The following STXBP6 variants were observed in gnomAD, a reference collection of about 807,000 sequenced individuals.
The protein encoded by STXBP6 is syntaxin-binding protein 6.
Under a neutral mutation model 26.9 loss-of-function variants are expected in STXBP6, and 21 were observed. That is an observed-to-expected ratio of 0.78 (90% CI 0.55 to 1.12). The LOEUF (loss-of-function observed/expected upper bound fraction) is 1.12, where lower values mean the gene tolerates loss of function less well. Among genes scored for constraint, STXBP6 ranks in the 50% most tolerant of loss-of-function variants. The pLI, the probability that STXBP6 is intolerant of heterozygous loss-of-function variation, is 0.00. For missense variants in STXBP6, 232 were observed against 257.9 expected (o/e 0.90, Z 0.69); for synonymous variants, 97 against 92.6 (o/e 1.05, Z -0.27).
chr14:24,853,586 A>G, intron 4 of STXBP6, among the ~76,000 whole-genome samples: 1 of 152,236 alleles, frequency 6.6e-6, no homozygotes, highest in South Asian at 2.1e-4. Context: ...ACTGAAAGAG[A>G]TTTTATATAG....
intron 4 of STXBP6, among the ~76,000 whole-genome samples, chr14:24,831,840 T>C (rs2068463572): frequency 6.6e-6 from 1 of 152,050 alleles, no homozygotes; most frequent in Non-Finnish European, 1.5e-5. Flanking sequence ...CCCCCATTGT[T>C]TGAGATTGGA....
At chr14:24,887,819 A>G (rs1426245026) in intron 2 of STXBP6, among the ~76,000 whole-genome samples, 15 of 152,228 alleles carry the variant, frequency 9.9e-5, no homozygotes. Flanking sequence ...AAGTATCGTC[A>G]AGTCAGCGTA....
chr14:24,859,158 C>T (rs2139204241), intron 2 of STXBP6, among the ~76,000 whole-genome samples: 1 of 152,186 alleles, frequency 6.6e-6, no homozygotes, highest in Admixed American at 6.5e-5. Context: ...TGCAGGAACC[C>T]CAACTATTAT....
chr14:24,969,115 T>C (rs1429521187), intron 2 of STXBP6, among the ~76,000 whole-genome samples: 4 of 152,222 alleles, frequency 2.6e-5, no homozygotes, highest in Non-Finnish European at 1.5e-5. Flanking sequence ...TCTATTTACA[T>C]AAATTATTTC....
rs145546657 is a variant in STXBP6, at chr14:24,860,930, C to T, written c.155-3773G>A. Among the ~76,000 whole-genome samples, 859 of 146,710 alleles carry T rather than the reference C, an allele frequency of 5.9e-3. 4 individuals carry two copies. Among genetic ancestry groups the T allele is most frequent in the African/African-American group, 0.018 (739 of 40,940 alleles). ...GTATATACCACCTCTACATCCTCAA[C>T]TATCTCATATTTGAGATAGCTGAAT... On this transcript the variant is annotated intron_variant, in intron 2 of 5. Transcript: ENST00000323944.
chr14:24,996,713 G>C (rs1165906932), intron 1 of STXBP6, among the ~76,000 whole-genome samples: 1 of 151,532 alleles, frequency 6.6e-6, no homozygotes, highest in Non-Finnish European at 1.5e-5. Context: ...AAATTAGCCA[G>C]GCATGGTGGC....
At chr14:24,884,141 A>G (rs1016578380) in intron 2 of STXBP6, among the ~76,000 whole-genome samples, 1 of 152,240 alleles carries the variant, frequency 6.6e-6, no homozygotes, top group Non-Finnish European at 1.5e-5. Context: ...AGGCTTCCAC[A>G]AATTATTAAG....
intron 2 of STXBP6, among the ~76,000 whole-genome samples, chr14:24,947,217 A>G (rs1277188833): frequency 4.0e-5 from 3 of 74,790 alleles, no homozygotes; most frequent in Non-Finnish European, 8.6e-5. Flanking sequence ...TGTGAAGGGA[A>G]AGCAAAATAA....
intron 2 of STXBP6, among the ~76,000 whole-genome samples, chr14:24,896,575 G>GC (rs1005625735): frequency 1.3e-5 from 2 of 152,130 alleles, no homozygotes; most frequent in African/African-American, 4.8e-5. Flanking sequence ...TACTTTAAGG[G>GC]CTCATAATTT....
Position 24,877,611 on chromosome 14 carries a change from C to T in STXBP6, c.155-20454G>A, listed in dbSNP as rs577677604. ...AATCTAAATTCACAGCAAACTTCTT[C>T]CTACTTTGTATAGCTGCATAACATT... On this transcript the variant is annotated intron_variant, in intron 2 of 5. Coordinates refer to ENST00000323944, the MANE Select transcript of STXBP6 (RefSeq NM_001394410.1). 1.3e-4 allele frequency among the ~76,000 whole-genome samples: 20 copies of T among 152,220 alleles called. No homozygotes were observed. The South Asian group carries it at 3.1e-3, about 24-fold the overall frequency.
At chr14:24,879,776 C>G (rs1156229044) in intron 2 of STXBP6, among the ~76,000 whole-genome samples, 1 of 152,084 alleles carries the variant, frequency 6.6e-6, no homozygotes, top group African/African-American at 2.4e-5. Context: ...TCTTGGTTGG[C>G]AGGAGTTGCC....
chr14:24,861,337 T>A (rs1210917423), intron 2 of STXBP6, among the ~76,000 whole-genome samples: 1 of 152,080 alleles, frequency 6.6e-6, no homozygotes, highest in East Asian at 1.9e-4. Context: ...ACATAGAATA[T>A]TATCAGGGCT....
intron 2 of STXBP6, among the ~76,000 whole-genome samples, chr14:24,959,179 C>T (rs2073441995): frequency 6.6e-6 from 1 of 152,186 alleles, no homozygotes; most frequent in Non-Finnish European, 1.5e-5. Flanking sequence ...ACATATCAGT[C>T]TTCAAAGGTT....
At chr14:25,006,662 G>A (rs1237034656) in intron 1 of STXBP6, among the ~76,000 whole-genome samples, 2 of 152,072 alleles carry the variant, frequency 1.3e-5, no homozygotes, top group African/African-American at 4.8e-5. Flanking sequence ...TATTCACGAG[G>A]GGTTCACGTC....
At chr14:24,845,739 G>A (rs2139068057) in intron 4 of STXBP6, among the ~76,000 whole-genome samples, 1 of 152,292 alleles carries the variant, frequency 6.6e-6, no homozygotes, top group South Asian at 2.1e-4. Flanking sequence ...TGGTAAGAGG[G>A]ACTTTGCAGA....
intron 2 of STXBP6, among the ~76,000 whole-genome samples, chr14:24,961,312 G>A (rs2073529287): frequency 1.3e-5 from 2 of 151,850 alleles, no homozygotes. Context: ...ATAACTATTG[G>A]GTAATAGGCT....
At position 24,892,545 on chromosome 14, in the gene STXBP6, G is replaced by GTT. The variant is rs577709251; in HGVS notation, c.155-35390_155-35389dup. Among the ~76,000 whole-genome samples, 42 of 152,226 alleles carry GTT rather than the reference G, an allele frequency of 2.8e-4. 1 individual carries two copies. In the South Asian group the frequency reaches 5.2e-3, roughly 19 times the overall value. On this transcript the variant is annotated intron_variant, in intron 2 of 5. Transcript: ENST00000323944. ...GATTCTGGGCCAACCACACCCCTTG[G>GTT]TTTGAGTCTTTTTCTTCCCAGAAAA...
chr14:25,027,199 T>C lies in STXBP6; in HGVS notation c.-33+22679A>G, dbSNP rs1298580392. Among the ~76,000 whole-genome samples, 5 of 152,246 alleles carry C rather than the reference T, an allele frequency of 3.3e-5. No homozygotes were observed. The East Asian group carries it at 7.7e-4, about 23-fold the overall frequency. ...GCTTTATTGCACTTCACAGATATTT[T>C]ATATTTTACAAATTGAAGGTTTGTG... On this transcript the variant is annotated intron_variant, in intron 1 of 5. Coordinates refer to ENST00000323944, the MANE Select transcript of STXBP6 (RefSeq NM_001394410.1).
chr14:24,826,491 C>T (rs562537132), intron 4 of STXBP6, among the ~76,000 whole-genome samples: 27 of 152,290 alleles, frequency 1.8e-4, no homozygotes, highest in African/African-American at 5.8e-4. Context: ...TCACCATGAA[C>T]ATTCGTGAAG....
Sources: gnomAD v4.1 joint callset for allele counts (sites outside exome capture counted in the v4.1 genomes callset) on GRCh38, gnomAD v4.1.1 for gene constraint, MANE v1.5 for transcripts, NCBI Gene and HGNC (gene_info 2026-07-23, HGNC 2026-07-21) for gene names.